WRAP73: variants seen among roughly 807,000 people sequenced by gnomAD.
WRAP73 encodes WD repeat containing, antisense to TP73, also known as WD repeat-containing protein WRAP73.
In WRAP73, 55 loss-of-function variants were observed where a neutral mutation model predicts 59.6. That is an observed-to-expected ratio of 0.92 (90% CI 0.74 to 1.15). The LOEUF is 1.15. WRAP73 is among the 50% of genes most tolerant of loss of function. The probability of loss-of-function intolerance (pLI) is 0.00; values close to 1 mark genes in which losing one functional copy is unlikely to be tolerated. For missense variants in WRAP73, 592 were observed against 608.1 expected (o/e 0.97, Z 0.28); for synonymous variants, 265 against 258.2 (o/e 1.03, Z -0.25).
At chr1:3,633,682 C>T in intron 8 of WRAP73, 179 bp from the exon 9 acceptor site, 1 of 572,700 alleles carries the variant, frequency 1.7e-6, no homozygotes, top group South Asian at 2.3e-5. Context: ...TGAGATCACC[C>T]AGCCACCCTC....
rs57595901 is a variant in WRAP73 at position 3,638,906 on chromosome 1, C to T, written c.340-84G>A. 8.1e-3 allele frequency: 12,082 copies of T among 1,497,466 alleles called. 737 individuals carry two copies. The African/African-American group carries it at 0.14, about 17-fold the overall frequency. The allele number at this position is 1,497,466 out of a possible 1,614,324, so 92.8% of individuals were successfully genotyped here. On this transcript the variant is annotated intron_variant, in intron 3 of 11. Transcript: ENST00000270708. ...CTCAATCCTCAACCCGCCCACGCGT[C>T]CCCAAGCACAGGCCTGACTGCTGGA...
At chr1:3,631,939 G>T in intron 10 of WRAP73, 1 of 1,395,716 alleles carries the variant, frequency 7.2e-7, no homozygotes. Context: ...ACAAAAGGCG[G>T]GCTGCAGTGT....
intron 11 of WRAP73, 120 bp from the exon 12 acceptor site, chr1:3,631,237 G>C (rs1644529745): frequency 6.7e-7 from 1 of 1,501,340 alleles, no homozygotes; most frequent in Non-Finnish European, 9.0e-7. Context: ...GGCAGAGCCA[G>C]GGTGGAGCCC....
At chr1:3,640,226 G>C (rs1337373605) in intron 3 of WRAP73, among the ~76,000 whole-genome samples, 2 of 152,238 alleles carry the variant, frequency 1.3e-5, no homozygotes, top group Non-Finnish European at 2.9e-5. Flanking sequence ...AACTCCAGCT[G>C]CACAGAGCAC....
intron 2 of WRAP73, 120 bp downstream of exon 2, chr1:3,647,288 G>A: frequency 9.1e-7 from 1 of 1,099,832 alleles, no homozygotes; most frequent in Non-Finnish European, 1.2e-6. Context: ...AATTTCAAAA[G>A]AAAACTGGCT....
intron 4 of WRAP73, among the ~76,000 whole-genome samples, chr1:3,638,262 A>G (rs1644606708): frequency 6.6e-6 from 1 of 152,226 alleles, no homozygotes; most frequent in Non-Finnish European, 1.5e-5. Flanking sequence ...TTTCTTCCAG[A>G]TGGCTCACAG....
chr1:3,631,144 T>TTACA, intron 11 of WRAP73, 27 bp from the exon 12 acceptor site: 1 of 1,612,618 alleles, frequency 6.2e-7, no homozygotes, highest in South Asian at 1.1e-5. Context: ...GGCCAGAGGA[T>TTACA]TACAGCAGGG....
intron 9 of WRAP73, chr1:3,632,859 G>C (rs920046800): frequency 4.8e-6 from 1 of 207,134 alleles, no homozygotes; most frequent in Non-Finnish European, 9.8e-6. Flanking sequence ...AGCACACACC[G>C]AGCCCCGGGG....
At chr1:3,648,189 A>T (rs1170295742) in intron 1 of WRAP73, among the ~76,000 whole-genome samples, 2 of 152,228 alleles carry the variant, frequency 1.3e-5, no homozygotes, top group African/African-American at 4.8e-5. Flanking sequence ...CTATTTTCTT[A>T]AAGATAGTTT....
chr1:3,631,905 C>G (rs1644538899), intron 10 of WRAP73: 2 of 1,389,402 alleles, frequency 1.4e-6, no homozygotes, highest in South Asian at 3.4e-5. Context: ...TTTTTTTAGC[C>G]CTTTACAAAT....
At chr1:3,647,368 CAGA>C (rs555967373) in intron 2 of WRAP73, 37 bp downstream of exon 2, 342 of 1,576,206 alleles carry the variant, frequency 2.2e-4, no homozygotes, top group Middle Eastern at 1.2e-3. Flanking sequence ...CAGGGGCCCT[CAGA>C]AGGTGTCCAG....
At position 3,635,467 on chromosome 1, in the gene WRAP73, G is replaced by A; in HGVS notation, c.604-173C>T. 9.8e-6 allele frequency: 8 copies of A among 819,426 alleles called. 1 individual carries two copies. In the South Asian group the frequency reaches 1.5e-4, roughly 15 times the overall value. The allele number at this position is 819,426 out of a possible 1,614,324, so 50.8% of individuals were successfully genotyped here. A position where few individuals can be genotyped will look rare whatever the true frequency, so the allele number is the denominator to read the frequency against. On this transcript the variant is annotated intron_variant, in intron 6 of 11. Transcript: ENST00000270708. ...GCTAGTACTGAGATAGTCACGGAGA[G>A]GCAGTGAGAGCATGAGGAAAAAGGG...
chr1:3,633,181 C>A (rs1238352526), intron 9 of WRAP73: 3 of 546,038 alleles, frequency 5.5e-6, no homozygotes, highest in Middle Eastern at 8.6e-4. Flanking sequence ...GTCTCCAGGG[C>A]TCATATTCAG....
chr1:3,632,598 G>A, intron 9 of WRAP73: 1 of 511,598 alleles, frequency 2.0e-6, no homozygotes, highest in South Asian at 2.0e-5. Flanking sequence ...ACGTGCCAGG[G>A]GCTGACTGGA....
Position 3,630,817 on chromosome 1 carries a change from T to C in WRAP73, c.*158A>G. 5 of 900,058 alleles carry C rather than the reference T, an allele frequency of 5.6e-6. No individual in the cohort carries two copies. The South Asian group carries it at 8.6e-5, about 15-fold the overall frequency. The allele number at this position is 900,058 out of a possible 1,614,324, so 55.8% of individuals were successfully genotyped here. A position where few individuals can be genotyped will look rare whatever the true frequency, so the allele number is the denominator to read the frequency against. On this transcript the variant is annotated 3_prime_UTR_variant, in exon 12 of 12. Coordinates refer to ENST00000270708, the MANE Select transcript of WRAP73 (RefSeq NM_017818.4). ...ATTTTAAATAATAAAACTACAGTTT[T>C]ATACCATACATATTTACAAAAATGC...
intron 3 of WRAP73, among the ~76,000 whole-genome samples, chr1:3,643,460 G>A (rs72857315): frequency 0.064 from 9,752 of 152,298 alleles, 982 homozygotes; most frequent in African/African-American, 0.22. Flanking sequence ...TCTAATGGGC[G>A]CAAGCTTGCC....
At chr1:3,637,240 C>T (rs143263039) in intron 4 of WRAP73, 142 bp from the exon 5 acceptor site, 320 of 693,422 alleles carry the variant, frequency 4.6e-4, no homozygotes, top group Non-Finnish European at 6.6e-4. Flanking sequence ...AGCACTGCTC[C>T]TCAGACAGAC....
At chr1:3,647,707 C>A in intron 1 of WRAP73, 147 bp from the exon 2 acceptor site, 1 of 818,898 alleles carries the variant, frequency 1.2e-6, no homozygotes, top group East Asian at 2.7e-5. Context: ...ATCCCCAGCC[C>A]CTAAAGATCA....
chr1:3,632,268 G>C lies in WRAP73; in HGVS notation c.993C>G (p.Ile331Met), dbSNP rs2760320. The change falls in exon 10 of 12, where the codon ATC (isoleucine) becomes ATG (methionine). Residue 331 changes from isoleucine (I) to methionine (M), a missense_variant. Coordinates refer to ENST00000270708, the MANE Select transcript of WRAP73 (RefSeq NM_017818.4). ...GACTAAATGCCAGCATTCCTATGCC[G>C]ATTTTCGGGTTTGCTCTGTCGGTAA... ...KPVTDRANPK[I>M]GIGMLAFSPD... The C allele has an allele frequency of 0.061, 98,508 of 1,614,078 alleles. 3,725 individuals are homozygous for C. The highest frequency in any genetic ancestry group is 0.17 in the Admixed American group (10,349 of 60,000).
Sources: allele counts gnomAD v4.1 joint callset (sites outside exome capture counted in the v4.1 genomes callset), GRCh38; gene constraint gnomAD v4.1.1; transcripts MANE v1.5; gene names NCBI Gene and HGNC (gene_info 2026-07-23, HGNC 2026-07-21).